KIAA1217: variants seen among roughly 807,000 people sequenced by gnomAD.
The protein encoded by KIAA1217 is KIAA1217, also known as sickle tail protein homolog.
Under a neutral mutation model 163.9 loss-of-function variants are expected in KIAA1217, and 88 were observed. That is an observed-to-expected ratio of 0.54 (90% CI 0.45 to 0.64). The LOEUF is 0.64. Ranked by LOEUF, KIAA1217 falls within the 30% of genes least tolerant of loss-of-function variation. The pLI, the probability that KIAA1217 is intolerant of heterozygous loss-of-function variation, is 0.00. For missense variants in KIAA1217, 2,372 were observed against 2,475.0 expected, an observed-to-expected ratio of 0.96 and a Z score of 0.88; for synonymous variants, 903 against 923.1, an observed-to-expected ratio of 0.98 and a Z score of 0.39.
At chr10:24,039,612 A>T (rs1038857685) in intron 2 of KIAA1217, among the ~76,000 whole-genome samples, 1 of 152,158 alleles carries the variant, frequency 6.6e-6, no homozygotes, top group Non-Finnish European at 1.5e-5. Flanking sequence ...ATGTTTGGTA[A>T]GCTGGGTACA....
At chr10:23,959,123 A>C (rs1844704922) in intron 1 of KIAA1217, among the ~76,000 whole-genome samples, 2 of 152,078 alleles carry the variant, frequency 1.3e-5, no homozygotes, top group South Asian at 4.2e-4. Flanking sequence ...GGCTCCATAT[A>C]CTGTGACCTA....
At chr10:23,861,000 C>T (rs1362379464) in intron 1 of KIAA1217, among the ~76,000 whole-genome samples, 1 of 151,850 alleles carries the variant, frequency 6.6e-6, no homozygotes, top group South Asian at 2.1e-4. Flanking sequence ...GCAGCCTCCA[C>T]CTCCTGAGCT....
chr10:24,525,027 C>CCTGTAGGAAGGTGAGACACCTGGCCTGT (rs1347875286), intron 13 of KIAA1217, among the ~76,000 whole-genome samples: 3 of 151,114 alleles, frequency 2.0e-5, no homozygotes, highest in Non-Finnish European at 4.4e-5. Context: ...GGTGAGACAG[C>CCTGTAGGAAGGTGAGACACCTGGCCTGT]AGTGTGCTGG....
At position 23,695,567 on chromosome 10, in the gene KIAA1217, G is replaced by GC; in HGVS notation, c.-321+339dup. Among the ~76,000 whole-genome samples the GC allele has an allele frequency of 6.6e-6, 1 of 152,230 alleles. No individual in the cohort carries two copies. The highest frequency in any genetic ancestry group is 2.1e-4 in the South Asian group (1 of 4,822). On this transcript the variant is annotated intron_variant, in intron 1 of 18. Coordinates refer to the KIAA1217 transcript ENST00000376462. This position sits in a 1 kb window ranked among gnomAD's most constrained non-coding sequence, Gnocchi z 4.9. ...ACACCTATCCTGGTGACCTTGGCGT[G>GC]CCCCCCTGGAGTGGCGAGCCAGGGG...
chr10:23,848,184 T>C (rs1439480327), intron 1 of KIAA1217, among the ~76,000 whole-genome samples: 2 of 152,110 alleles, frequency 1.3e-5, no homozygotes, highest in South Asian at 2.1e-4. Flanking sequence ...AGAATGTATA[T>C]TCTGTTGATT....
intron 3 of KIAA1217, among the ~76,000 whole-genome samples, chr10:24,402,529 A>AAC (rs1491244387): frequency 1.2e-4 from 10 of 83,128 alleles, no homozygotes; most frequent in African/African-American, 2.9e-4. Context: ...AAAACAAAAC[A>AAC]AAAAAAAAAA....
At chr10:24,359,802 G>A (rs1261566030) in intron 2 of KIAA1217, among the ~76,000 whole-genome samples, 1 of 152,000 alleles carries the variant, frequency 6.6e-6, no homozygotes, top group Non-Finnish European at 1.5e-5. Flanking sequence ...ACCCTTGAAG[G>A]TCTTTGAGGC....
chr10:23,978,919 T>C (rs1845650951), intron 1 of KIAA1217, among the ~76,000 whole-genome samples: 1 of 152,168 alleles, frequency 6.6e-6, no homozygotes. Context: ...CTGTCGGTTA[T>C]GGAAAGAAGA....
chr10:24,253,345 T>C (rs1590244961), intron 2 of KIAA1217, among the ~76,000 whole-genome samples: 1 of 152,158 alleles, frequency 6.6e-6, no homozygotes, highest in African/African-American at 2.4e-5. Context: ...TCTGTGGCTG[T>C]CTCAGAGAAG....
intron 7 of KIAA1217, chr10:24,494,840 G>C: frequency 3.5e-6 from 2 of 575,996 alleles, no homozygotes; most frequent in East Asian, 5.9e-5. Flanking sequence ...AAGGTAAATG[G>C]GCTTCCCAGT....
intron 2 of KIAA1217, among the ~76,000 whole-genome samples, chr10:24,104,175 G>A (rs1194634612): frequency 6.6e-6 from 1 of 152,156 alleles, no homozygotes; most frequent in Non-Finnish European, 1.5e-5. Flanking sequence ...TTTACCCAAA[G>A]AGAAGTTGAA....
chr10:24,039,817 TA>T lies in KIAA1217; in HGVS notation c.-171+32444del, dbSNP rs1478137475. On this transcript the variant is annotated intron_variant, in intron 2 of 18. Coordinates refer to the KIAA1217 transcript ENST00000376462. ...ATATAGATAGATATAGATATAGATA[TA>T]GATATAGATATAGATATAGATATAG... Among the ~76,000 whole-genome samples, 26 of 151,616 alleles carry T rather than the reference TA, an allele frequency of 1.7e-4. No individual in the cohort carries two copies. The Middle Eastern group carries it at 0.021, about 120-fold the overall frequency.
intron 2 of KIAA1217, among the ~76,000 whole-genome samples, chr10:24,293,551 T>C (rs1197007379): frequency 7.9e-6 from 1 of 126,186 alleles, no homozygotes; most frequent in Non-Finnish European, 1.9e-5. Context: ...CAGGGATGGC[T>C]GTTGGGCTTG....
intron 2 of KIAA1217, among the ~76,000 whole-genome samples, chr10:24,339,919 CCTTG>C (rs920076460): frequency 1.3e-5 from 2 of 152,200 alleles, no homozygotes; most frequent in Non-Finnish European, 2.9e-5. Flanking sequence ...TCCTACTCTT[CCTTG>C]CTTGTCAGAA....
chr10:23,757,947 G>T (rs1381318539), intron 1 of KIAA1217, among the ~76,000 whole-genome samples: 1 of 152,100 alleles, frequency 6.6e-6, no homozygotes, highest in Non-Finnish European at 1.5e-5. Flanking sequence ...ATATAGCTTG[G>T]ATATTAATCC....
chr10:24,426,761 T>C (rs1344798144), intron 3 of KIAA1217, among the ~76,000 whole-genome samples: 1 of 152,108 alleles, frequency 6.6e-6, no homozygotes, highest in African/African-American at 2.4e-5. Flanking sequence ...TTGATGTATA[T>C]GTGAAGCAAA....
intron 3 of KIAA1217, among the ~76,000 whole-genome samples, chr10:24,411,849 T>C (rs1002137277): frequency 2.0e-5 from 3 of 151,952 alleles, no homozygotes; most frequent in African/African-American, 7.3e-5. Flanking sequence ...CATTGAAAAC[T>C]TTTAGTTTTC....
intron 1 of KIAA1217, among the ~76,000 whole-genome samples, chr10:24,001,219 T>G (rs886715454): frequency 2.0e-5 from 3 of 152,256 alleles, no homozygotes; most frequent in African/African-American, 7.2e-5. Context: ...GAGTTACTTA[T>G]GTACTATTTT....
chr10:24,321,337 G>A (rs868104185), intron 2 of KIAA1217, among the ~76,000 whole-genome samples: 11 of 152,080 alleles, frequency 7.2e-5, no homozygotes, highest in Middle Eastern at 3.4e-3. Context: ...TCAAGAGTTC[G>A]AGACCAGCCT....
Sources: gnomAD v4.1 joint callset for allele counts (sites outside exome capture counted in the v4.1 genomes callset) on GRCh38, gnomAD v4.1.1 for gene constraint, Gnocchi (gnomAD v3.1) non-coding constraint, MANE v1.5 for transcripts, NCBI Gene and HGNC (gene_info 2026-07-23, HGNC 2026-07-21) for gene names.